PHEX: variants seen among roughly 807,000 people sequenced by gnomAD.
The protein encoded by PHEX is phosphate-regulating neutral endopeptidase PHEX.
A neutral mutation model predicts 68.0 loss-of-function variants in PHEX; 16 were observed. The observed-to-expected ratio is 0.24, with a 90% CI of 0.16 to 0.36. The LOEUF is 0.36. Among genes scored for constraint, PHEX ranks in the 10% least tolerant of loss-of-function variants. PHEX has a pLI of 1.00. For synonymous variants in PHEX, 208 were observed against 205.1 expected (o/e 1.01, Z -0.12); for missense variants, 480 against 575.5 (o/e 0.83, Z 1.70).
At chrX:22,218,049 C>T (rs138947167) in intron 16 of PHEX, among the ~76,000 whole-genome samples, 2 of 109,652 alleles carry the variant, frequency 1.8e-5, no homozygotes, top group African/African-American at 6.6e-5. Context: ...AAGGCGACCT[C>T]ACTCACCTGT....
At chrX:22,120,224 G>C (rs2147071952) in intron 11 of PHEX, among the ~76,000 whole-genome samples, 1 of 111,701 alleles carries the variant, frequency 9.0e-6, no homozygotes, top group South Asian at 3.8e-4. Context: ...GAGGAAACAG[G>C]CTCAGAGAGT....
At chrX:22,084,539 G>GTTTT (rs76410908) in intron 5 of PHEX, among the ~76,000 whole-genome samples, 1 of 75,838 alleles carries the variant, frequency 1.3e-5, no homozygotes. Context: ...CTTCTCTTCA[G>GTTTT]TTTTTTTTTT....
chrX:22,048,771 G>A (rs1347517666), intron 3 of PHEX, among the ~76,000 whole-genome samples: 1 of 111,688 alleles, frequency 9.0e-6, no homozygotes, highest in Non-Finnish European at 1.9e-5. Context: ...CAGGGTTTTT[G>A]TATTTGCTAG....
At chrX:22,203,766 G>C (rs981001019) in intron 15 of PHEX, among the ~76,000 whole-genome samples, 1 of 111,741 alleles carries the variant, frequency 8.9e-6, no homozygotes, top group African/African-American at 3.3e-5. Context: ...AATGTATAAG[G>C]CATGTAAAGT....
intron 15 of PHEX, among the ~76,000 whole-genome samples, chrX:22,197,634 G>A (rs1934408539): frequency 9.0e-6 from 1 of 111,318 alleles, no homozygotes; most frequent in Non-Finnish European, 1.9e-5. Context: ...ACGAGACACT[G>A]ATACAGAACC....
chrX:22,098,825 A>AAAAAAAAAAAAAAAC (rs1930278614), intron 8 of PHEX, among the ~76,000 whole-genome samples, 181 bp from the exon 9 acceptor site: 1 of 103,535 alleles, frequency 9.7e-6, no homozygotes, highest in African/African-American at 3.6e-5. Flanking sequence ...AAAAAAAAAA[A>AAAAAAAAAAAAAAAC]AAGACAATAG....
At chrX:22,226,221 T>C (rs1935490624) in intron 18 of PHEX, among the ~76,000 whole-genome samples, 1 of 111,527 alleles carries the variant, frequency 9.0e-6, no homozygotes, top group Admixed American at 9.6e-5. Context: ...AAAAGAAGTG[T>C]GTAGCATAAT....
intron 13 of PHEX, among the ~76,000 whole-genome samples, chrX:22,176,402 AATATATATATAT>A (rs1174350162): frequency 7.0e-3 from 404 of 57,826 alleles, no homozygotes; most frequent in African/African-American, 0.034. Flanking sequence ...AAAAAAAAAA[AATATATATATAT>A]ATATATATAT....
intron 12 of PHEX, among the ~76,000 whole-genome samples, chrX:22,158,716 A>G (rs1250376033): frequency 8.9e-6 from 1 of 112,320 alleles, no homozygotes; most frequent in Non-Finnish European, 1.9e-5. Context: ...ATATATAAAA[A>G]GTAGATGCCA....
At chrX:22,210,381 G>C (rs933788765) in intron 15 of PHEX, among the ~76,000 whole-genome samples, 4 of 111,870 alleles carry the variant, frequency 3.6e-5, no homozygotes, top group African/African-American at 1.3e-4. Flanking sequence ...CCTGTAAAGA[G>C]GTTGGCAATG....
chrX:22,209,439 C>T (rs767508958), intron 15 of PHEX, among the ~76,000 whole-genome samples: 1 of 109,828 alleles, frequency 9.1e-6, no homozygotes, highest in Non-Finnish European at 1.9e-5. Flanking sequence ...ATACACTGTA[C>T]TGAATGCTGT....
At chrX:22,160,325 G>T (rs916182071) in intron 12 of PHEX, among the ~76,000 whole-genome samples, 2 of 110,399 alleles carry the variant, frequency 1.8e-5, no homozygotes, top group Non-Finnish European at 3.8e-5. Context: ...GAGGCAGGTG[G>T]ATCACCTGAG....
intron 11 of PHEX, among the ~76,000 whole-genome samples, chrX:22,120,259 T>C (rs1239599823): frequency 1.8e-5 from 2 of 111,570 alleles, no homozygotes; most frequent in East Asian, 5.6e-4. Context: ...TGGAGTCATA[T>C]AGCTTGAAAA....
chrX:22,081,043 G>A (rs777571856), intron 5 of PHEX, among the ~76,000 whole-genome samples: 3 of 111,510 alleles, frequency 2.7e-5, no homozygotes, highest in South Asian at 7.7e-4. Context: ...TGTGGTACCC[G>A]ATATGCCTCT....
intron 2 of PHEX, among the ~76,000 whole-genome samples, chrX:22,039,414 C>T (rs1410620300): frequency 8.9e-6 from 1 of 112,449 alleles, no homozygotes; most frequent in Non-Finnish European, 1.9e-5. Flanking sequence ...AAACTCATGG[C>T]TGGAGTTGCC....
intron 5 of PHEX, among the ~76,000 whole-genome samples, chrX:22,080,477 C>G (rs1021285059): frequency 9.0e-6 from 1 of 111,332 alleles, no homozygotes; most frequent in Non-Finnish European, 1.9e-5. Flanking sequence ...TACAAGAGTT[C>G]GAGCATGTAT....
At chrX:22,034,636 C>T (rs1296770921) in intron 1 of PHEX, among the ~76,000 whole-genome samples, 1 of 111,900 alleles carries the variant, frequency 8.9e-6, no homozygotes, top group East Asian at 2.8e-4. Context: ...CCTTGACTCT[C>T]TAAGAGGAGC....
chrX:22,127,020 C>A (rs1171166227), intron 11 of PHEX, among the ~76,000 whole-genome samples: 8 of 107,470 alleles, frequency 7.4e-5, no homozygotes, highest in African/African-American at 2.4e-4. Flanking sequence ...TACAGTTGCC[C>A]GCCACCATGC....
At chrX:22,039,646 G>C (rs950125086) in intron 2 of PHEX, among the ~76,000 whole-genome samples, 1 of 112,254 alleles carries the variant, frequency 8.9e-6, no homozygotes, top group South Asian at 3.7e-4. Context: ...GACTATATGC[G>C]GGTTTAAGGA....
Sources: allele counts gnomAD v4.1 joint callset (sites outside exome capture counted in the v4.1 genomes callset), GRCh38; gene constraint gnomAD v4.1.1; transcripts MANE v1.5; gene names NCBI Gene and HGNC (gene_info 2026-07-23, HGNC 2026-07-21).